PTPRA: variants seen among roughly 807,000 people sequenced by gnomAD.
PTPRA encodes the protein receptor-type tyrosine-protein phosphatase alpha.
A neutral mutation model predicts 104.8 loss-of-function variants in PTPRA; 25 were observed. The ratio of observed to expected loss-of-function variants is 0.24; its 90% confidence interval spans 0.17 to 0.33. The LOEUF (loss-of-function observed/expected upper bound fraction) is 0.33, where lower values mean the gene tolerates loss of function less well. PTPRA is among the 10% of genes least tolerant of loss of function. The pLI is 1.00. For missense variants in PTPRA, 765 were observed against 1,015.3 expected (o/e 0.75, Z 3.35); for synonymous variants, 323 against 368.9 (o/e 0.88, Z 1.43).
chr20:3,004,663 A>G (rs1161650705), intron 9 of PTPRA, among the ~76,000 whole-genome samples: 1 of 152,198 alleles, frequency 6.6e-6, no homozygotes, highest in Non-Finnish European at 1.5e-5. Context: ...GATGCATGTC[A>G]TCTTTGTGTG....
intron 17 of PTPRA, among the ~76,000 whole-genome samples, chr20:3,025,354 G>A (rs945263300): frequency 5.9e-5 from 9 of 151,630 alleles, no homozygotes; most frequent in African/African-American, 2.2e-4. Context: ...TCAGGAGGCT[G>A]AGGCGAGAGA....
chr20:3,028,869 G>T (rs951153136), intron 20 of PTPRA, among the ~76,000 whole-genome samples: 2 of 152,190 alleles, frequency 1.3e-5, no homozygotes, highest in African/African-American at 4.8e-5. Flanking sequence ...TGCGAAAGCT[G>T]TGGCAGTAAT....
intron 1 of PTPRA, among the ~76,000 whole-genome samples, chr20:2,878,585 A>G (rs2089878598): frequency 6.6e-6 from 1 of 152,054 alleles, no homozygotes; most frequent in African/African-American, 2.4e-5. Flanking sequence ...TGGTACTTTT[A>G]TACCCCTTGT....
chr20:2,999,690 A>G (rs751892397), intron 9 of PTPRA, among the ~76,000 whole-genome samples: 4 of 152,228 alleles, frequency 2.6e-5, no homozygotes, highest in Non-Finnish European at 5.9e-5. Flanking sequence ...GTCACATATC[A>G]AACACAAAAA....
At chr20:2,910,982 C>T (rs1263568704) in intron 1 of PTPRA, among the ~76,000 whole-genome samples, 1 of 148,476 alleles carries the variant, frequency 6.7e-6, no homozygotes, top group Non-Finnish European at 1.5e-5. Flanking sequence ...TCTCAATCTC[C>T]TGGGGTCAAA....
chr20:2,954,077 CTTTTT>C (rs35144002), intron 3 of PTPRA, among the ~76,000 whole-genome samples: 3 of 102,610 alleles, frequency 2.9e-5, no homozygotes, highest in African/African-American at 7.8e-5. Flanking sequence ...ACCCGGCTAA[CTTTTT>C]TTTTTTTTTT....
chr20:3,025,993 T>TG (rs2148458266), intron 17 of PTPRA, among the ~76,000 whole-genome samples: 1 of 151,016 alleles, frequency 6.6e-6, no homozygotes, highest in South Asian at 2.1e-4. Flanking sequence ...TCACCCGGGC[T>TG]GGGGTGCAAT....
intron 1 of PTPRA, among the ~76,000 whole-genome samples, chr20:2,902,501 G>C (rs958814793): frequency 1.3e-5 from 2 of 152,186 alleles, no homozygotes; most frequent in Admixed American, 1.3e-4. Context: ...GCAGCTGCCG[G>C]CACTGGTCTG....
chr20:3,022,566 T>A lies in PTPRA; in HGVS notation c.1329-123T>A. ...TTGTTGGCTCCTGGAGAGCCCCAGC[T>A]CTACCCCATTCAGAATTAGGATTTA... On this transcript the variant is annotated intron_variant, in intron 15 of 23. Coordinates refer to ENST00000399903, the MANE Select transcript of PTPRA (RefSeq NM_001385305.1). The surrounding 1 kb of genome is among the most constrained non-coding windows in gnomAD (Gnocchi z 4.6). 4 of 1,391,054 alleles carry A rather than the reference T, an allele frequency of 2.9e-6. No individual in the cohort carries two copies. The highest frequency in any genetic ancestry group is 3.9e-6 in the Non-Finnish European group (4 of 1,017,182). The allele number at this position is 1,391,054 out of a possible 1,614,324, so 86.2% of individuals were successfully genotyped here.
chr20:3,010,354 T>C (rs1320174067), intron 11 of PTPRA, among the ~76,000 whole-genome samples: 5 of 149,902 alleles, frequency 3.3e-5, no homozygotes, highest in Admixed American at 1.3e-4. Flanking sequence ...TCCAGCCGGG[T>C]GCGGTGGCTC....
chr20:2,991,852 T>C (rs1440987912), intron 9 of PTPRA, among the ~76,000 whole-genome samples: 1 of 152,236 alleles, frequency 6.6e-6, no homozygotes, highest in East Asian at 1.9e-4. Flanking sequence ...ATTTTCTTTC[T>C]TGTGCTAGTT....
chr20:2,904,498 G>A (rs1306681793), intron 1 of PTPRA, among the ~76,000 whole-genome samples: 2 of 151,702 alleles, frequency 1.3e-5, no homozygotes, highest in Non-Finnish European at 2.9e-5. Flanking sequence ...GTGAAACTCC[G>A]TCTCTACTAA....
chr20:2,891,136 C>A (rs1010688456), intron 1 of PTPRA, among the ~76,000 whole-genome samples: 1 of 152,170 alleles, frequency 6.6e-6, no homozygotes, highest in African/African-American at 2.4e-5. Flanking sequence ...AACTGTTTTA[C>A]ATCTGTAACA....
intron 9 of PTPRA, among the ~76,000 whole-genome samples, chr20:2,989,461 A>G (rs2063057100): frequency 6.6e-6 from 1 of 152,138 alleles, no homozygotes; most frequent in Non-Finnish European, 1.5e-5. Context: ...CGAATAAATG[A>G]TATTTTAATT....
intron 1 of PTPRA, among the ~76,000 whole-genome samples, chr20:2,907,024 A>G (rs767351547): frequency 1.3e-5 from 2 of 152,112 alleles, no homozygotes; most frequent in Non-Finnish European, 2.9e-5. Context: ...AACTATATCC[A>G]CTGCAAATTT....
intron 20 of PTPRA, among the ~76,000 whole-genome samples, chr20:3,034,814 G>T (rs777620058): frequency 6.6e-6 from 1 of 152,100 alleles, no homozygotes; most frequent in Non-Finnish European, 1.5e-5. Context: ...AAGAATCTCA[G>T]ATCTTACCCC....
Position 2,988,445 on chromosome 20 carries a change from G to A in PTPRA, c.709G>A (p.Asp237Asn), listed in dbSNP as rs773334274. The A allele has an allele frequency of 4.3e-6, 7 of 1,613,156 alleles. No homozygotes were observed. Among genetic ancestry groups the A allele is most frequent in the Middle Eastern group, 1.7e-4 (1 of 6,060 alleles). ...GGAAATTAACCGGAGAATGGCAGACGACAATAAGCTCTTCAGGGAGGAATT... is the reference window on the plus strand; with the variant it reads ...GGAAATTAACCGGAGAATGGCAGACAACAATAAGCTCTTCAGGGAGGAATT... Reference protein sequence around the residue: ...EEEINRRMADDNKLFREEFNA... With the variant: ...EEEINRRMADNNKLFREEFNA... The change falls in exon 9 of 24, where the codon GAC becomes AAC. Residue 237 changes from aspartate to asparagine, a missense_variant. Transcript: ENST00000399903.
chr20:3,003,935 T>A (rs1249435079), intron 9 of PTPRA, among the ~76,000 whole-genome samples: 2 of 152,212 alleles, frequency 1.3e-5, no homozygotes, highest in African/African-American at 4.8e-5. Flanking sequence ...CTGATAAAAC[T>A]CATTTATTTG....
Position 3,035,705 on chromosome 20 carries a change from A to G in PTPRA, c.2041A>G (p.Thr681Ala), listed in dbSNP as rs555147151. ...CGTCCGAGACCTCCTGGTCACCAACACCAGGGTAAGATGGGTCGTGGGTGG... is the reference window on the plus strand; with the variant it reads ...CGTCCGAGACCTCCTGGTCACCAACGCCAGGGTAAGATGGGTCGTGGGTGG... ...YTVRDLLVTN[T>A]RENKSRQIRQ... is the part of the protein sequence containing the mutation. Residue 681 changes from threonine to alanine, a missense_variant, in exon 21 of 24, where the codon ACC (threonine) becomes GCC (alanine). By Grantham distance (58) the Thr-to-Ala change is moderately conservative. Coordinates refer to ENST00000399903, the MANE Select transcript of PTPRA (RefSeq NM_001385305.1). The surrounding 1 kb of genome is among the most constrained non-coding windows in gnomAD (Gnocchi z 5.8). 2.5e-6 allele frequency: 4 copies of G among 1,614,214 alleles called. No individual in the cohort carries two copies. The Admixed American group carries it at 6.7e-5, about 27-fold the overall frequency.
Sources: gnomAD v4.1 joint callset for allele counts (sites outside exome capture counted in the v4.1 genomes callset) on GRCh38, gnomAD v4.1.1 for gene constraint, Gnocchi (gnomAD v3.1) non-coding constraint, MANE v1.5 for transcripts, NCBI Gene and HGNC (gene_info 2026-07-23, HGNC 2026-07-21) for gene names.